Variants in LRP1B observed in about 807,000 individuals in gnomAD.
LRP1B encodes the protein LDL receptor related protein 1B, also known as low-density lipoprotein receptor-related protein 1B.
A neutral mutation model predicts 556.6 loss-of-function variants in LRP1B; 217 were observed. That is an observed-to-expected ratio of 0.39 (90% CI 0.35 to 0.44). LRP1B has a LOEUF of 0.44. LRP1B is among the 20% of genes least tolerant of loss of function. The probability of loss-of-function intolerance (pLI) is 1.00; values close to 1 mark genes in which losing one functional copy is unlikely to be tolerated. For synonymous variants in LRP1B, 2,047 were observed against 1,865.8 expected (o/e 1.10, Z -2.50); for missense variants, 5,053 against 5,620.8 (o/e 0.90, Z 3.23).
At chr2:140,414,732 T>A (rs1182850878) in intron 66 of LRP1B, among the ~76,000 whole-genome samples, 1 of 152,228 alleles carries the variant, frequency 6.6e-6, no homozygotes, top group African/African-American at 2.4e-5. Flanking sequence ...ACCACTGTGA[T>A]AATTGTGTTA....
chr2:142,052,057 T>A (rs1377516373), intron 1 of LRP1B, among the ~76,000 whole-genome samples: 1 of 152,136 alleles, frequency 6.6e-6, no homozygotes, highest in East Asian at 1.9e-4. Context: ...TGAGTAATCC[T>A]TTCCTTCATT....
At chr2:141,445,408 G>T (rs2105012033) in intron 3 of LRP1B, among the ~76,000 whole-genome samples, 1 of 152,124 alleles carries the variant, frequency 6.6e-6, no homozygotes, top group Non-Finnish European at 1.5e-5. Context: ...AGGGTTTTTT[G>T]TGTCTCTATC....
At chr2:140,859,919 C>T (rs576456952) in intron 27 of LRP1B, among the ~76,000 whole-genome samples, 1 of 151,966 alleles carries the variant, frequency 6.6e-6, no homozygotes. Context: ...GGTGTGAACC[C>T]GGGAGGCGGA....
intron 52 of LRP1B, among the ~76,000 whole-genome samples, chr2:140,508,239 A>G (rs1334944549): frequency 6.6e-6 from 1 of 152,174 alleles, no homozygotes; most frequent in Non-Finnish European, 1.5e-5. Flanking sequence ...AGACTCAGAT[A>G]ATATTATCAC....
intron 1 of LRP1B, among the ~76,000 whole-genome samples, chr2:142,015,829 T>TA (rs1481223700): frequency 1.3e-5 from 2 of 150,862 alleles, no homozygotes; most frequent in Non-Finnish European, 3.0e-5. Context: ...CCGTCTCTAC[T>TA]AAAATACAAA....
chr2:141,166,198 C>T (rs1458759932), intron 7 of LRP1B, among the ~76,000 whole-genome samples: 1 of 151,916 alleles, frequency 6.6e-6, no homozygotes, highest in Non-Finnish European at 1.5e-5. Flanking sequence ...TCCAGCTTCT[C>T]AGATATGCCC....
chr2:140,536,469 G>T (rs1279513877), intron 46 of LRP1B, 112 bp downstream of exon 46: 1 of 1,027,902 alleles, frequency 9.7e-7, no homozygotes, highest in African/African-American at 1.7e-5. Flanking sequence ...ACAGGTTAAT[G>T]AGAGACATTA....
chr2:141,981,309 T>C (rs1702037045), intron 1 of LRP1B, among the ~76,000 whole-genome samples: 1 of 152,062 alleles, frequency 6.6e-6, no homozygotes, highest in Non-Finnish European at 1.5e-5. Context: ...GGATTAGGCA[T>C]TGGACCTGCA....
At chr2:141,920,101 CCTTAT>C (rs1700143118) in intron 1 of LRP1B, among the ~76,000 whole-genome samples, 1 of 151,694 alleles carries the variant, frequency 6.6e-6, no homozygotes, top group South Asian at 2.1e-4. Context: ...CTTGCCAGTA[CCTTAT>C]GTGTTTCCTC....
chr2:141,533,611 A>T (rs981227023), intron 2 of LRP1B, among the ~76,000 whole-genome samples: 51 of 152,136 alleles, frequency 3.4e-4, no homozygotes, highest in African/African-American at 1.2e-3. Context: ...TAATATCGGA[A>T]TCTCCTACTA....
At chr2:140,760,816 G>A (rs1324548496) in intron 35 of LRP1B, among the ~76,000 whole-genome samples, 3 of 152,124 alleles carry the variant, frequency 2.0e-5, no homozygotes, top group Non-Finnish European at 1.5e-5. Context: ...TTGAACCCGG[G>A]AGGCGGAAGT....
chr2:142,031,920 C>T (rs1048995131), intron 1 of LRP1B, among the ~76,000 whole-genome samples: 2 of 151,812 alleles, frequency 1.3e-5, no homozygotes, highest in Non-Finnish European at 2.9e-5. Context: ...CAGACACATG[C>T]ATAGGGAGAA....
chr2:140,779,545 AT>A (rs1689615963), intron 32 of LRP1B, among the ~76,000 whole-genome samples: 1 of 151,900 alleles, frequency 6.6e-6, no homozygotes, highest in Non-Finnish European at 1.5e-5. Context: ...AAATACAGAA[AT>A]TAGCCAGGCA....
intron 35 of LRP1B, among the ~76,000 whole-genome samples, chr2:140,761,967 G>A (rs1389519815): frequency 7.2e-6 from 1 of 139,550 alleles, no homozygotes; most frequent in Non-Finnish European, 1.5e-5. Context: ...TCATAATGAT[G>A]ATAACTATGA....
rs1350616684 is a variant in LRP1B, at chr2:140,994,006, G to A, written c.2633C>T (p.Ser878Leu). 6.2e-7 allele frequency: 1 copy of A among 1,612,306 alleles called. No homozygotes were observed. The highest frequency in any genetic ancestry group is 1.7e-5 in the Admixed American group (1 of 59,870). The change falls in exon 16 of 91, where the codon TCA becomes TTA. Residue 878 changes from serine to leucine, a missense_variant. Ser to Leu is a moderately radical substitution (Grantham distance 145). Transcript: ENST00000389484. Reference sequence around the variant, plus strand: ...GGAAGAGAACATACAGCAGTTTACTGAATCCTCATCGCTTCCGTCTAGGCA... The same window carrying A: ...GGAAGAGAACATACAGCAGTTTACTAAATCCTCATCGCTTCCGTCTAGGCA... Reference protein sequence around the residue: ...DDCLDGSDEDSVNCFNHSCPD... With the variant: ...DDCLDGSDEDLVNCFNHSCPD...
chr2:141,457,506 T>C (rs556340233), intron 3 of LRP1B, among the ~76,000 whole-genome samples: 2 of 152,080 alleles, frequency 1.3e-5, no homozygotes, highest in Non-Finnish European at 2.9e-5. Flanking sequence ...ACCTAGGTGA[T>C]GGGTTGATAG....
Position 141,020,012 on chromosome 2 carries a change from G to A in LRP1B, c.1880C>T (p.Ala627Val), listed in dbSNP as rs1219499349. 6.2e-7 allele frequency: 1 copy of A among 1,611,484 alleles called. No homozygotes were observed. Among genetic ancestry groups the A allele is most frequent in the Admixed American group, 1.7e-5 (1 of 59,850 alleles). ...ACTCTGAGAAGCTTTTTCCAGCCTG[G>A]CCACATTAATGGTTTTCCTATGGCC... ...NDGHRKTINV[A>V]RLEKASQSRK... The change falls in exon 12 of 91, where the codon GCC becomes GTC. Residue 627 changes from alanine to valine, a missense_variant. Ala to Val is a moderately conservative substitution (Grantham distance 64). This residue lies in a region of LRP1B where 3,619 missense variants were observed against 3,931.9 expected (regional missense o/e 0.92). Coordinates refer to ENST00000389484, the MANE Select transcript of LRP1B (RefSeq NM_018557.3).
chr2:141,763,322 G>A (rs541911915), intron 2 of LRP1B, among the ~76,000 whole-genome samples: 2 of 152,070 alleles, frequency 1.3e-5, no homozygotes, highest in Non-Finnish European at 2.9e-5. Context: ...AAATGTTGAT[G>A]TTGAAAGCTC....
intron 41 of LRP1B, among the ~76,000 whole-genome samples, chr2:140,650,481 T>TG: frequency 6.6e-6 from 1 of 152,134 alleles, no homozygotes; most frequent in South Asian, 2.1e-4. Context: ...CCCAAGTACC[T>TG]GGGATTACAG....
Sources: allele counts gnomAD v4.1 joint callset (sites outside exome capture counted in the v4.1 genomes callset), GRCh38; gene constraint gnomAD v4.1.1; regional missense constraint gnomAD v4.1.1; transcripts MANE v1.5; gene names NCBI Gene and HGNC (gene_info 2026-07-23, HGNC 2026-07-21).